DIAPH1: variants seen among roughly 807,000 people sequenced by gnomAD.
The protein encoded by DIAPH1 is protein diaphanous homolog 1.
A neutral mutation model predicts 140.7 loss-of-function variants in DIAPH1; 46 were observed. The ratio of observed to expected loss-of-function variants is 0.33; its 90% confidence interval spans 0.26 to 0.42. The LOEUF (loss-of-function observed/expected upper bound fraction) is 0.42. DIAPH1 is among the 10% of genes least tolerant of loss of function. The pLI is 1.00. For missense variants in DIAPH1, 1,310 were observed against 1,558.7 expected, an observed-to-expected ratio of 0.84 and a Z score of 2.69; for synonymous variants, 565 against 551.6, an observed-to-expected ratio of 1.02 and a Z score of -0.34.
At chr5:141,584,941 G>A (rs62379256) in intron 3 of DIAPH1, among the ~76,000 whole-genome samples, 10 of 151,626 alleles carry the variant, frequency 6.6e-5, no homozygotes, top group Non-Finnish European at 1.2e-4. Context: ...TGAAGTTTCT[G>A]TGACTTAATT....
At chr5:141,560,241 TGAA>T (rs2099893309) in intron 18 of DIAPH1, among the ~76,000 whole-genome samples, 1 of 152,204 alleles carries the variant, frequency 6.6e-6, no homozygotes, top group South Asian at 2.1e-4. Context: ...ATTTATTTGT[TGAA>T]GAAATCAGGA....
rs115521502 is a variant in DIAPH1 at position 141,545,228 on chromosome 5, G to T, written c.2483-10795C>A. Among the ~76,000 whole-genome samples the T allele has an allele frequency of 9.1e-3, 1,391 of 152,260 alleles. 16 individuals are homozygous for T. Among genetic ancestry groups the T allele is most frequent in the African/African-American group, 0.032 (1,346 of 41,534 alleles). Reference sequence around the variant, plus strand: ...TGTGATTATATGGCCGTATACATTTGTCAGCCATATAATACTGTACACATA... The same window carrying T: ...TGTGATTATATGGCCGTATACATTTTTCAGCCATATAATACTGTACACATA... On this transcript the variant is annotated intron_variant, in intron 18 of 27. Transcript: ENST00000389054.
At chr5:141,548,522 G>A (rs2099891178) in intron 18 of DIAPH1, among the ~76,000 whole-genome samples, 1 of 152,028 alleles carries the variant, frequency 6.6e-6, no homozygotes, top group African/African-American at 2.4e-5. Flanking sequence ...ATATTTGTGG[G>A]GTTTAAAGCA....
intron 1 of DIAPH1, among the ~76,000 whole-genome samples, chr5:141,616,457 T>C (rs1163997613): frequency 2.0e-5 from 3 of 152,154 alleles, no homozygotes; most frequent in African/African-American, 7.2e-5. Flanking sequence ...CGAAAGACCT[T>C]TGAGTTCAGT....
At chr5:141,600,886 T>C (rs1257998458) in intron 1 of DIAPH1, among the ~76,000 whole-genome samples, 1 of 152,226 alleles carries the variant, frequency 6.6e-6, no homozygotes, top group African/African-American at 2.4e-5. Context: ...AGGTTCTAAA[T>C]ATTTTATACT....
At chr5:141,579,933 G>A (rs1034707542) in intron 8 of DIAPH1, among the ~76,000 whole-genome samples, 1 of 149,842 alleles carries the variant, frequency 6.7e-6, no homozygotes, top group Non-Finnish European at 1.5e-5. Flanking sequence ...GGGGAACAGA[G>A]CGAGCCTCCG....
chr5:141,534,520 C>G (rs192690040), intron 18 of DIAPH1, 87 bp from the exon 19 acceptor site: 3 of 980,620 alleles, frequency 3.1e-6, no homozygotes, highest in African/African-American at 1.6e-5. Flanking sequence ...GTGAAATGGC[C>G]CCTCACTTCC....
At position 141,577,553 on chromosome 5, in the gene DIAPH1, A is replaced by G; in HGVS notation, c.1202T>C (p.Val401Ala). The G allele has an allele frequency of 6.2e-7, 1 of 1,613,876 alleles. No individual in the cohort carries two copies. Among genetic ancestry groups the G allele is most frequent in the Non-Finnish European group, 8.5e-7 (1 of 1,179,740 alleles). ...GTGTGGCTCTGCCTTTGAATCCTTC[A>G]CTGTGTTTAAGAGAATCTGAAAGAC... ...NEVFQILLNTVKDSKAEPHFL... is the reference protein window; with the variant it reads ...NEVFQILLNTAKDSKAEPHFL... The change falls in exon 12 of 28, where the codon GTG becomes GCG. Residue 401 changes from valine to alanine, a missense_variant. Val to Ala is a moderately conservative substitution (Grantham distance 64). This residue lies in a region of DIAPH1 where 589 missense variants were observed against 549.3 expected (regional missense o/e 1.07). Transcript: ENST00000389054.
chr5:141,577,714 T>C, intron 11 of DIAPH1, 123 bp from the exon 12 acceptor site: 1 of 737,388 alleles, frequency 1.4e-6, no homozygotes, highest in Non-Finnish European at 2.5e-6. Context: ...CTACTGGCTG[T>C]TCTTCCTGTA....
chr5:141,606,611 T>C (rs1396571990), intron 1 of DIAPH1, among the ~76,000 whole-genome samples: 1 of 152,104 alleles, frequency 6.6e-6, no homozygotes, highest in Non-Finnish European at 1.5e-5. Context: ...GCCAGGCTGG[T>C]CTTGAACTCC....
At chr5:141,578,081 TA>T in intron 11 of DIAPH1, 143 bp downstream of exon 11, 1 of 771,718 alleles carries the variant, frequency 1.3e-6, no homozygotes, top group Non-Finnish European at 2.4e-6. Context: ...GCAATAAAAA[TA>T]CACCTGCCTT....
chr5:141,523,581 G>A (rs2099886872), intron 27 of DIAPH1, among the ~76,000 whole-genome samples: 1 of 152,098 alleles, frequency 6.6e-6, no homozygotes, highest in South Asian at 2.1e-4. Flanking sequence ...AAGGGCAATA[G>A]AGGCTAACTG....
chr5:141,532,091 T>A (rs895628239), intron 19 of DIAPH1, among the ~76,000 whole-genome samples: 1 of 152,246 alleles, frequency 6.6e-6, no homozygotes, highest in Non-Finnish European at 1.5e-5. Flanking sequence ...TTGCAGTTCC[T>A]GAACTGCACA....
At chr5:141,604,750 C>G (rs1032776783) in intron 1 of DIAPH1, among the ~76,000 whole-genome samples, 1 of 152,152 alleles carries the variant, frequency 6.6e-6, no homozygotes, top group Non-Finnish European at 1.5e-5. Flanking sequence ...TAATCCTACC[C>G]CTACTGACAA....
intron 17 of DIAPH1, 43 bp from the exon 18 acceptor site, chr5:141,571,479 G>C: frequency 6.4e-7 from 1 of 1,564,400 alleles, no homozygotes; most frequent in Non-Finnish European, 8.8e-7. Flanking sequence ...ATCCAATATT[G>C]GAAAGAAATG....
At chr5:141,613,892 C>T (rs544117872) in intron 1 of DIAPH1, among the ~76,000 whole-genome samples, 1 of 152,252 alleles carries the variant, frequency 6.6e-6, no homozygotes, top group Admixed American at 6.5e-5. Context: ...GCCCCTAATT[C>T]CCCAAAGGCC....
chr5:141,560,850 C>A, intron 18 of DIAPH1: 1 of 455,916 alleles, frequency 2.2e-6, no homozygotes, highest in Non-Finnish European at 4.4e-6. Context: ...CCTGAGCCTG[C>A]AGAGACAGCT....
At chr5:141,573,379 G>A (rs2099895480) in intron 16 of DIAPH1, 113 bp downstream of exon 16, 4 of 1,328,478 alleles carry the variant, frequency 3.0e-6, no homozygotes, top group Non-Finnish European at 4.2e-6. Flanking sequence ...AGCTTGCAGT[G>A]AGCCGAGATC....
chr5:141,613,649 T>G (rs2099902194), intron 1 of DIAPH1, among the ~76,000 whole-genome samples: 1 of 152,180 alleles, frequency 6.6e-6, no homozygotes, highest in South Asian at 2.1e-4. Context: ...AATTTCAAAG[T>G]TGAAAGAACA....
Sources: gnomAD v4.1 joint callset for allele counts (sites outside exome capture counted in the v4.1 genomes callset) on GRCh38, gnomAD v4.1.1 for gene constraint, gnomAD v4.1.1 regional missense constraint, MANE v1.5 for transcripts, NCBI Gene and HGNC (gene_info 2026-07-23, HGNC 2026-07-21) for gene names.